Variants in ARHGAP25 observed in about 807,000 individuals in gnomAD.
ARHGAP25 encodes rho GTPase-activating protein 25.
A neutral mutation model predicts 71.0 loss-of-function variants in ARHGAP25; 34 were observed. That is an observed-to-expected ratio of 0.48 (90% CI 0.36 to 0.64). The LOEUF (loss-of-function observed/expected upper bound fraction) is 0.64, where lower values mean the gene tolerates loss of function less well. Among genes scored for constraint, ARHGAP25 ranks in the 30% least tolerant of loss-of-function variants. ARHGAP25 has a pLI of 0.00. For missense variants in ARHGAP25, 706 were observed against 805.1 expected, an observed-to-expected ratio of 0.88 and a Z score of 1.49; for synonymous variants, 282 against 296.5, an observed-to-expected ratio of 0.95 and a Z score of 0.50.
chr2:68,735,131 A>G lies in ARHGAP25; in HGVS notation c.-69A>G. The stretch of plus-strand genomic sequence containing the variant: ...CACAAAAACAGAGGGAAAGAGTGAA[A>G]AGACAAGAAGGGCGCAAACTGTGAC... On this transcript the variant is annotated 5_prime_UTR_variant, in exon 1 of 11. Transcript: ENST00000409202. The G allele has an allele frequency of 7.6e-7, 1 of 1,315,364 alleles. No homozygotes were observed. Among genetic ancestry groups the G allele is most frequent in the Non-Finnish European group, 1.1e-6 (1 of 908,208 alleles). 81.5% of individuals were successfully genotyped at this position (1,315,364 alleles called of 1,614,324 possible).
intron 1 of ARHGAP25, among the ~76,000 whole-genome samples, chr2:68,766,251 G>T (rs1164456182): frequency 6.6e-6 from 1 of 152,320 alleles, no homozygotes; most frequent in South Asian, 2.1e-4. Context: ...GATGAGAATT[G>T]TTCTTCCTTA....
chr2:68,730,588 T>C (rs1674996758), upstream of ARHGAP25, among the ~76,000 whole-genome samples: 1 of 150,686 alleles, frequency 6.6e-6, no homozygotes, highest in African/African-American at 2.4e-5. Context: ...AGGTTGAGGC[T>C]GCAGTGAGCC....
At chr2:68,747,658 C>A (rs1198957004) in intron 1 of ARHGAP25, among the ~76,000 whole-genome samples, 1 of 152,218 alleles carries the variant, frequency 6.6e-6, no homozygotes, top group East Asian at 1.9e-4. Flanking sequence ...TTCCCTCCCC[C>A]AGTGTGTCCA....
intron 4 of ARHGAP25, among the ~76,000 whole-genome samples, chr2:68,789,273 C>T (rs1213083948): frequency 6.6e-6 from 1 of 152,090 alleles, no homozygotes; most frequent in African/African-American, 2.4e-5. Context: ...CTCCTGGCCT[C>T]GTGATCCACC....
chr2:68,777,573 G>A (rs1678014104), intron 2 of ARHGAP25, among the ~76,000 whole-genome samples: 1 of 152,128 alleles, frequency 6.6e-6, no homozygotes, highest in Non-Finnish European at 1.5e-5. Flanking sequence ...GAGATAATTA[G>A]GTAACACTTC....
chr2:68,728,967 A>G (rs1674944531), intron 2 of ARHGAP25, among the ~76,000 whole-genome samples: 1 of 152,360 alleles, frequency 6.6e-6, no homozygotes, highest in Admixed American at 6.5e-5. Flanking sequence ...GAAACTTCAA[A>G]ACATGCAAAG....
upstream of ARHGAP25, among the ~76,000 whole-genome samples, chr2:68,734,061 G>A (rs1283292907): frequency 6.6e-6 from 1 of 152,204 alleles, no homozygotes; most frequent in Non-Finnish European, 1.5e-5. Context: ...AGTTAAACAT[G>A]AAAGCTTGTC....
chr2:68,821,576 C>T (rs916003349), intron 9 of ARHGAP25, among the ~76,000 whole-genome samples: 1 of 152,336 alleles, frequency 6.6e-6, no homozygotes, highest in South Asian at 2.1e-4. Flanking sequence ...TCATTTTACA[C>T]TTCCAGAAGC....
rs181618029 is a variant in ARHGAP25, at chr2:68,763,954, G to A, written c.62-11267G>A. Among the ~76,000 whole-genome samples the A allele has an allele frequency of 2.9e-3, 444 of 152,186 alleles. 3 individuals are homozygous for A. Among genetic ancestry groups the A allele is most frequent in the Middle Eastern group, 0.014 (4 of 294 alleles). On this transcript the variant is annotated intron_variant, in intron 1 of 10. Transcript: ENST00000409202. ...TTCAATGATTTTTAGTAAATTTATA[G>A]GGTTGTGTGATGATTACCATAGTCC...
At chr2:68,738,430 G>A (rs555444912) in intron 1 of ARHGAP25, among the ~76,000 whole-genome samples, 13 of 152,256 alleles carry the variant, frequency 8.5e-5, no homozygotes, top group Admixed American at 2.6e-4. Flanking sequence ...GAACTGATTT[G>A]TGTTTGTTTG....
chr2:68,819,241 T>C lies in ARHGAP25; in HGVS notation c.1122T>C (p.Ala374=). Residue 374 remains alanine, a synonymous_variant, in exon 9 of 11, where the codon GCT becomes GCC. Coordinates refer to ENST00000409202, the MANE Select transcript of ARHGAP25 (RefSeq NM_001007231.3). ...PPAQKNDPKK[A]PVARSSVGWD... ...CCCAGAAAAATGACCCCAAGAAAGC[T>C]CCAGTGGCCCGAAGCTCTGTAGGCT... The C allele has an allele frequency of 6.2e-7, 1 of 1,613,972 alleles. No individual in the cohort carries two copies. Among genetic ancestry groups the C allele is most frequent in the South Asian group, 1.1e-5 (1 of 91,072 alleles).
At chr2:68,782,159 A>G in intron 2 of ARHGAP25, 74 bp from the exon 3 acceptor site, 1 of 1,298,826 alleles carries the variant, frequency 7.7e-7, no homozygotes, top group South Asian at 1.2e-5. Flanking sequence ...TCATTATCCT[A>G]TCTGTTGTCC....
chr2:68,756,213 T>C (rs1676472275), intron 1 of ARHGAP25, among the ~76,000 whole-genome samples: 2 of 152,240 alleles, frequency 1.3e-5, no homozygotes, highest in Non-Finnish European at 2.9e-5. Flanking sequence ...TGGCAGGCTT[T>C]CCAGATGTGC....
At chr2:68,743,644 A>C (rs1250568218) in intron 1 of ARHGAP25, among the ~76,000 whole-genome samples, 3 of 152,198 alleles carry the variant, frequency 2.0e-5, no homozygotes, top group African/African-American at 7.2e-5. Context: ...AAATGATAGC[A>C]GATGTAGAGT....
intron 4 of ARHGAP25, among the ~76,000 whole-genome samples, chr2:68,803,886 C>T (rs890780475): frequency 1.3e-5 from 2 of 152,058 alleles, no homozygotes; most frequent in African/African-American, 4.8e-5. Flanking sequence ...GGGAGCTCAA[C>T]AGGAGTGGCA....
chr2:68,782,394 C>A, intron 3 of ARHGAP25, 74 bp downstream of exon 3: 3 of 1,361,286 alleles, frequency 2.2e-6, no homozygotes, highest in Non-Finnish European at 3.1e-6. Flanking sequence ...CCCTAGAAGT[C>A]AAAGCTATAT....
chr2:68,795,436 G>T (rs1004918161), intron 4 of ARHGAP25, among the ~76,000 whole-genome samples: 49 of 152,146 alleles, frequency 3.2e-4, no homozygotes, highest in East Asian at 1.7e-3. Context: ...CACTGCTTTT[G>T]CAGTAGCCTA....
chr2:68,812,642 G>A (rs113580462), intron 5 of ARHGAP25, among the ~76,000 whole-genome samples: 5,296 of 152,220 alleles, frequency 0.035, 134 homozygotes, highest in South Asian at 0.056. Flanking sequence ...GGCATTAGCC[G>A]CACAGTATTG....
chr2:68,783,429 G>T (rs1487662506), intron 3 of ARHGAP25, among the ~76,000 whole-genome samples: 4 of 151,844 alleles, frequency 2.6e-5, no homozygotes, highest in Non-Finnish European at 5.9e-5. Flanking sequence ...TAAGTTTCTA[G>T]ATGCTTGCTT....
Sources: allele counts gnomAD v4.1 joint callset (sites outside exome capture counted in the v4.1 genomes callset), GRCh38; gene constraint gnomAD v4.1.1; transcripts MANE v1.5; gene names NCBI Gene and HGNC (gene_info 2026-07-23, HGNC 2026-07-21).